CSMD1: variants seen among roughly 807,000 people sequenced by gnomAD.
The protein encoded by CSMD1 is CUB and Sushi multiple domains 1.
Under a neutral mutation model 417.5 loss-of-function variants are expected in CSMD1, and 213 were observed. That is an observed-to-expected ratio of 0.51 (90% CI 0.46 to 0.57). The LOEUF is 0.57. Ranked by LOEUF, CSMD1 falls within the 20% of genes least tolerant of loss-of-function variation. The pLI, the probability that CSMD1 is intolerant of heterozygous loss-of-function variation, is 0.00. For synonymous variants in CSMD1, 2,862 were observed against 1,736.8 expected, an observed-to-expected ratio of 1.65 and a Z score of -16.11; for missense variants, 6,923 against 4,529.7, an observed-to-expected ratio of 1.53 and a Z score of -15.17.
At chr8:3,227,155 C>G (rs1798555784) in intron 27 of CSMD1, among the ~76,000 whole-genome samples, 1 of 152,188 alleles carries the variant, frequency 6.6e-6, no homozygotes, top group East Asian at 1.9e-4. Flanking sequence ...AATCCCAGCA[C>G]TTTGGGAGTC....
At chr8:4,694,785 G>C (rs1008774203) in intron 1 of CSMD1, among the ~76,000 whole-genome samples, 2 of 152,126 alleles carry the variant, frequency 1.3e-5, no homozygotes, top group Admixed American at 6.5e-5. Flanking sequence ...TCACGGGACT[G>C]CGCGTCCTTA....
intron 2 of CSMD1, among the ~76,000 whole-genome samples, chr8:4,513,755 T>A (rs190895455): frequency 6.6e-6 from 1 of 152,268 alleles, no homozygotes; most frequent in Non-Finnish European, 1.5e-5. Flanking sequence ...CAAAAATACA[T>A]AAATTTCGAT....
chr8:3,848,298 G>A (rs547095881), intron 5 of CSMD1, among the ~76,000 whole-genome samples: 3 of 152,148 alleles, frequency 2.0e-5, no homozygotes, highest in East Asian at 1.9e-4. Context: ...ATTCTACTGC[G>A]ATCCCACTAA....
chr8:3,281,798 C>G (rs1004146375), intron 26 of CSMD1, among the ~76,000 whole-genome samples: 9 of 152,242 alleles, frequency 5.9e-5, no homozygotes, highest in Middle Eastern at 3.4e-3. Flanking sequence ...TGCGTCCCCA[C>G]CCATGTTGAA....
intron 5 of CSMD1, among the ~76,000 whole-genome samples, chr8:3,852,307 G>A (rs956058327): frequency 6.6e-6 from 1 of 152,040 alleles, no homozygotes; most frequent in Admixed American, 6.6e-5. Context: ...AATCAGAGGT[G>A]GGGTTTGTAG....
intron 5 of CSMD1, among the ~76,000 whole-genome samples, chr8:3,907,472 T>C (rs552562484): frequency 4.7e-4 from 71 of 152,298 alleles, no homozygotes; most frequent in Non-Finnish European, 6.9e-4. Flanking sequence ...TAAGGCAGTA[T>C]GGTAAAAAAT....
chr8:3,086,658 C>G (rs1814554168), intron 49 of CSMD1, among the ~76,000 whole-genome samples: 1 of 152,124 alleles, frequency 6.6e-6, no homozygotes, highest in Admixed American at 6.5e-5. Context: ...CTGAAATCAA[C>G]TTTAACAAGC....
At chr8:3,802,099 A>G (rs966244032) in intron 5 of CSMD1, among the ~76,000 whole-genome samples, 3 of 152,186 alleles carry the variant, frequency 2.0e-5, no homozygotes, top group Admixed American at 6.6e-5. Context: ...ATTTTATCTT[A>G]ATAACATTGT....
At chr8:4,383,498 T>C (rs909008620) in intron 3 of CSMD1, among the ~76,000 whole-genome samples, 3 of 152,192 alleles carry the variant, frequency 2.0e-5, no homozygotes, top group Non-Finnish European at 4.4e-5. Context: ...TGTAATTTTA[T>C]TCCAGGACAC....
intron 1 of CSMD1, among the ~76,000 whole-genome samples, chr8:4,970,631 T>C (rs1252932493): frequency 6.6e-6 from 1 of 152,124 alleles, no homozygotes; most frequent in Non-Finnish European, 1.5e-5. Flanking sequence ...AGGAAGCTTG[T>C]GTGACTTAAA....
intron 26 of CSMD1, among the ~76,000 whole-genome samples, chr8:3,244,815 G>C (rs889417839): frequency 3.3e-5 from 5 of 152,194 alleles, no homozygotes; most frequent in Non-Finnish European, 5.9e-5. Flanking sequence ...TCACAGATGG[G>C]TGCGGGATCC....
chr8:4,437,847 C>A (rs892050240), intron 2 of CSMD1, among the ~76,000 whole-genome samples: 1 of 152,120 alleles, frequency 6.6e-6, no homozygotes, highest in East Asian at 1.9e-4. Flanking sequence ...TGCAGGTCTG[C>A]CCCTAGTTCA....
At position 3,307,961 on chromosome 8, in the gene CSMD1, C is replaced by T. The variant is rs564849616; in HGVS notation, c.3824-140G>A. On this transcript the variant is annotated intron_variant, in intron 24 of 69. Coordinates refer to ENST00000635120, the MANE Select transcript of CSMD1 (RefSeq NM_033225.6). ...ATCACCATCATCTCTCTCTCCTGAC[C>T]GTTTCAATATTTCTTCCAAATCATT... 739 of 939,404 alleles carry T rather than the reference C, an allele frequency of 7.9e-4. 3 individuals are homozygous for T. Among genetic ancestry groups the T allele is most frequent in the South Asian group, 6.3e-3 (336 of 53,368 alleles). The allele number at this position is 939,404 out of a possible 1,614,324, so 58.2% of individuals were successfully genotyped here.
chr8:3,575,148 G>C (rs141410052), intron 9 of CSMD1, 82 bp from the exon 10 acceptor site: 4 of 1,310,608 alleles, frequency 3.1e-6, no homozygotes, highest in Non-Finnish European at 4.1e-6. Context: ...GAAATTTCAA[G>C]TTAGCTATTA....
chr8:3,058,525 T>C (rs916029181), intron 49 of CSMD1, among the ~76,000 whole-genome samples: 5 of 152,210 alleles, frequency 3.3e-5, no homozygotes, highest in Non-Finnish European at 5.9e-5. Context: ...TCGCAACATA[T>C]AAGGTGCTAA....
intron 12 of CSMD1, among the ~76,000 whole-genome samples, chr8:3,431,527 T>C (rs996083474): frequency 1.3e-5 from 2 of 152,168 alleles, no homozygotes; most frequent in African/African-American, 2.4e-5. Flanking sequence ...TTTTTTCCAG[T>C]AGTGCATGCC....
intron 3 of CSMD1, among the ~76,000 whole-genome samples, chr8:4,355,329 A>C (rs958358705): frequency 6.7e-6 from 1 of 150,250 alleles, no homozygotes; most frequent in Non-Finnish European, 1.5e-5. Flanking sequence ...ACACACGCAC[A>C]CACACACACG....
intron 3 of CSMD1, among the ~76,000 whole-genome samples, chr8:4,223,506 C>T (rs559968655): frequency 3.3e-5 from 5 of 152,200 alleles, no homozygotes; most frequent in African/African-American, 4.8e-5. Flanking sequence ...TTGCACAGGG[C>T]GTAATCTACC....
intron 3 of CSMD1, among the ~76,000 whole-genome samples, chr8:4,300,967 C>A (rs112308419): frequency 1.3e-5 from 2 of 152,238 alleles, no homozygotes; most frequent in South Asian, 4.1e-4. Flanking sequence ...CAAGTCTTTA[C>A]TATTGTAAAT....
Sources: gnomAD v4.1 joint callset for allele counts (sites outside exome capture counted in the v4.1 genomes callset) on GRCh38, gnomAD v4.1.1 for gene constraint, MANE v1.5 for transcripts, NCBI Gene and HGNC (gene_info 2026-07-23, HGNC 2026-07-21) for gene names.